The following SLC38A3 variants were observed in gnomAD, a reference collection of about 807,000 sequenced individuals.
SLC38A3 encodes the protein solute carrier family 38 member 3.
Under a neutral mutation model 59.5 loss-of-function variants are expected in SLC38A3, and 17 were observed. The observed-to-expected ratio is 0.29, with a 90% CI of 0.20 to 0.43. The LOEUF is 0.43. Ranked by LOEUF, SLC38A3 falls within the 20% of genes least tolerant of loss-of-function variation. The pLI is 1.00. For missense variants in SLC38A3, 454 were observed against 653.9 expected (o/e 0.69, Z 3.33); for synonymous variants, 238 against 260.3 (o/e 0.91, Z 0.82).
chr3:50,209,798 TG>T (rs987434783), intron 1 of SLC38A3, among the ~76,000 whole-genome samples: 2 of 152,160 alleles, frequency 1.3e-5, no homozygotes, highest in Non-Finnish European at 2.9e-5. Context: ...GCCAGGGAGC[TG>T]GGGGCTGAGG....
intron 1 of SLC38A3, among the ~76,000 whole-genome samples, chr3:50,205,700 G>A (rs991236984): frequency 1.3e-5 from 2 of 152,228 alleles, no homozygotes; most frequent in African/African-American, 4.8e-5. Context: ...CACACCACAG[G>A]CTTCCTGAGG....
chr3:50,206,397 G>C (rs1699648136), intron 1 of SLC38A3, among the ~76,000 whole-genome samples: 1 of 152,254 alleles, frequency 6.6e-6, no homozygotes, highest in Non-Finnish European at 1.5e-5. Context: ...CCACAGAGCT[G>C]CCCCTGGAAA....
In SLC38A3 at chr3:50,215,843, G is replaced by T; in HGVS notation, c.548+22G>T. 7.2e-7 allele frequency: 1 copy of T among 1,396,366 alleles called. No individual in the cohort carries two copies. The highest frequency in any genetic ancestry group is 9.9e-7 in the Non-Finnish European group (1 of 1,007,792). 86.5% of individuals were successfully genotyped at this position (1,396,366 alleles called of 1,614,324 possible). A position where few individuals can be genotyped will look rare whatever the true frequency, so the allele number is the denominator to read the frequency against. On this transcript the variant is annotated intron_variant, in intron 7 of 15. Coordinates refer to ENST00000614032, the MANE Select transcript of SLC38A3 (RefSeq NM_006841.6). The surrounding 1 kb of genome is among the most constrained non-coding windows in gnomAD (Gnocchi z 7.1). ...CCTCGTGAGCCCTGGCGTGGGGAGGGGAGGGGAGGGGTGCGGTGCAGTGAG... is the reference window on the plus strand; with the variant it reads ...CCTCGTGAGCCCTGGCGTGGGGAGGTGAGGGGAGGGGTGCGGTGCAGTGAG...
rs947579673 is a variant in SLC38A3, at chr3:50,214,326, G to A, written c.101+26G>A. 1.5e-5 allele frequency: 24 copies of A among 1,612,076 alleles called. No homozygotes were observed. The East Asian group carries it at 4.0e-4, about 27-fold the overall frequency. On this transcript the variant is annotated intron_variant, in intron 2 of 15. Coordinates refer to ENST00000614032, the MANE Select transcript of SLC38A3 (RefSeq NM_006841.6). The surrounding 1 kb of genome is among the most constrained non-coding windows in gnomAD (Gnocchi z 6.0). ...GTGAGTACCAGAGGGACCCAGTGGT[G>A]GCTGAAGACAGGGCAGGGCAGGGAT...
At chr3:50,219,457 G>A (rs1559756880) in intron 14 of SLC38A3, among the ~76,000 whole-genome samples, 2 of 152,194 alleles carry the variant, frequency 1.3e-5, no homozygotes, top group East Asian at 3.8e-4. Flanking sequence ...AAACAGACCT[G>A]GGGGCTGAGT....
chr3:50,216,660 A>G (rs913137533), intron 7 of SLC38A3, among the ~76,000 whole-genome samples: 5 of 152,260 alleles, frequency 3.3e-5, no homozygotes, highest in African/African-American at 9.6e-5. Flanking sequence ...AAGCAACAGC[A>G]GTGCCTACAA....
chr3:50,218,250 A>G lies in SLC38A3; in HGVS notation c.936-20A>G, dbSNP rs751300175. 9.6e-7 allele frequency: 1 copy of G among 1,038,310 alleles called. No individual in the cohort carries two copies. Among genetic ancestry groups the G allele is most frequent in the Non-Finnish European group, 1.5e-6 (1 of 658,136 alleles). 64.3% of individuals were successfully genotyped at this position (1,038,310 alleles called of 1,614,324 possible). A position where few individuals can be genotyped will look rare whatever the true frequency, so the allele number is the denominator to read the frequency against. On this transcript the variant is annotated intron_variant, in intron 11 of 15. Coordinates refer to ENST00000614032, the MANE Select transcript of SLC38A3 (RefSeq NM_006841.6). The surrounding 1 kb of genome is among the most constrained non-coding windows in gnomAD (Gnocchi z 5.8). The stretch of plus-strand genomic sequence containing the variant: ...GTTACCCAGCTTGTCACCAACACCC[A>G]CCCCCCCACTTCCCCACAGCCCCTC...
chr3:50,215,632 C>T lies in SLC38A3; in HGVS notation c.462C>T (p.Ile154=), dbSNP rs774193705. Residue 154 remains isoleucine (I), a synonymous_variant, in exon 6 of 16, where the codon ATC becomes ATT. Coordinates refer to ENST00000614032, the MANE Select transcript of SLC38A3 (RefSeq NM_006841.6). The surrounding 1 kb of genome is among the most constrained non-coding windows in gnomAD (Gnocchi z 7.1). ...AAALAITLQN[I]GAMSSYLYII... ...CCCTGGCCATCACGCTCCAGAACATCGGAGGTAAGAGCAGTGGGCAGGGGC... is the reference window on the plus strand; with the variant it reads ...CCCTGGCCATCACGCTCCAGAACATTGGAGGTAAGAGCAGTGGGCAGGGGC... 24 of 1,613,488 alleles carry T rather than the reference C, an allele frequency of 1.5e-5. No homozygotes were observed. Among genetic ancestry groups the T allele is most frequent in the African/African-American group, 5.3e-5 (4 of 74,850 alleles).
chr3:50,210,717 C>T (rs996264647), intron 1 of SLC38A3, among the ~76,000 whole-genome samples: 15 of 152,208 alleles, frequency 9.9e-5, no homozygotes, highest in South Asian at 2.1e-4. Flanking sequence ...TTCGCGTGGG[C>T]GGGCGTTACC....
chr3:50,214,185 GGTGTGCCCTGAGCC>G lies in SLC38A3; in HGVS notation c.-14_-1del. On this transcript the variant is annotated 5_prime_UTR_variant, in exon 2 of 16. Coordinates refer to ENST00000614032, the MANE Select transcript of SLC38A3 (RefSeq NM_006841.6). The surrounding 1 kb of genome is among the most constrained non-coding windows in gnomAD (Gnocchi z 6.0). ...TTGGTGTGAGACCAGTGCTCCTGGT[GGTGTGCCCTGAGCC>G]ATGGAGGCGCCTTTGCAGACAGAGA... The G allele has an allele frequency of 1.9e-6, 3 of 1,609,922 alleles. No homozygotes were observed. The highest frequency in any genetic ancestry group is 2.5e-6 in the Non-Finnish European group (3 of 1,177,292).
chr3:50,218,031 G>T lies in SLC38A3; in HGVS notation c.935+35G>T. The T allele has an allele frequency of 1.9e-6, 3 of 1,597,750 alleles. No individual in the cohort carries two copies. Among genetic ancestry groups the T allele is most frequent in the Non-Finnish European group, 2.6e-6 (3 of 1,166,034 alleles). ...TGTGGCTGGGAGTGGGGGTGGGGAT[G>T]CCCTGAGCTGGTTTGGGGAGAATGG... On this transcript the variant is annotated intron_variant, in intron 11 of 15. Transcript: ENST00000614032. This position sits in a 1 kb window ranked among gnomAD's most constrained non-coding sequence, Gnocchi z 5.8.
At position 50,215,296 on chromosome 3, in the gene SLC38A3, C is replaced by T; in HGVS notation, c.300-90C>T. 1 of 1,189,322 alleles carries T rather than the reference C, an allele frequency of 8.4e-7. No individual in the cohort carries two copies. The highest frequency in any genetic ancestry group is 2.3e-5 in the East Asian group (1 of 42,782). 73.7% of individuals were successfully genotyped at this position (1,189,322 alleles called of 1,614,324 possible). ...AGACACCCAGGTCACAGACCCTCCA[C>T]CCCCAGGCCTCCCAGAGCCCCTCAC... On this transcript the variant is annotated intron_variant, in intron 4 of 15. Transcript: ENST00000614032. This position sits in a 1 kb window ranked among gnomAD's most constrained non-coding sequence, Gnocchi z 7.1.
At chr3:50,208,237 C>T (rs1232610844) in intron 1 of SLC38A3, among the ~76,000 whole-genome samples, 3 of 151,358 alleles carry the variant, frequency 2.0e-5, no homozygotes, top group African/African-American at 7.3e-5. Flanking sequence ...CTTTCTGGGG[C>T]TCTCTTTTTC....
At position 50,214,027 on chromosome 3, in the gene SLC38A3, G is replaced by T; in HGVS notation, c.-51-122G>T. On this transcript the variant is annotated intron_variant, in intron 1 of 15. Transcript: ENST00000614032. The surrounding 1 kb of genome is among the most constrained non-coding windows in gnomAD (Gnocchi z 6.0). ...TCCCAGGGAGGCAGTAGGCAGAGCT[G>T]CATGTGTGGATATGCCCCGAGTGAC... 1.6e-6 allele frequency: 1 copy of T among 623,780 alleles called. No individual in the cohort carries two copies. 38.6% of individuals were successfully genotyped at this position (623,780 alleles called of 1,614,324 possible).
Position 50,218,994 on chromosome 3 carries a change from AT to A in SLC38A3, c.1306+49del, listed in dbSNP as rs1699863651. 3 of 1,583,530 alleles carry A rather than the reference AT, an allele frequency of 1.9e-6. No homozygotes were observed. In the East Asian group the frequency reaches 6.8e-5, roughly 36 times the overall value. ...TGGAAGCAGGGTATTGCCCCAGAGG[AT>A]TTCAACTCTGCAAATCCTGGCAGAT... On this transcript the variant is annotated intron_variant, in intron 14 of 15. Coordinates refer to ENST00000614032, the MANE Select transcript of SLC38A3 (RefSeq NM_006841.6). This position sits in a 1 kb window ranked among gnomAD's most constrained non-coding sequence, Gnocchi z 5.8.
Position 50,215,158 on chromosome 3 carries a change from A to T in SLC38A3, c.300-228A>T. ...ACGTGCTCAGAGGGCAGTCACAGGG[A>T]CACTCTTGACCCAGAGGGCCCCTTC... On this transcript the variant is annotated intron_variant, in intron 4 of 15. Transcript: ENST00000614032. This position sits in a 1 kb window ranked among gnomAD's most constrained non-coding sequence, Gnocchi z 7.1. The T allele has an allele frequency of 3.4e-6, 2 of 586,282 alleles. No homozygotes were observed. The highest frequency in any genetic ancestry group is 6.1e-6 in the Non-Finnish European group (2 of 328,560). 36.3% of individuals were successfully genotyped at this position (586,282 alleles called of 1,614,324 possible). A position where few individuals can be genotyped will look rare whatever the true frequency, so the allele number is the denominator to read the frequency against.
At chr3:50,206,006 G>T (rs1699641417) in intron 1 of SLC38A3, among the ~76,000 whole-genome samples, 1 of 152,248 alleles carries the variant, frequency 6.6e-6, no homozygotes, top group Non-Finnish European at 1.5e-5. Flanking sequence ...TGAGGCCGGG[G>T]CGCCGTGCGA....
rs1699873686 is a variant in SLC38A3 at position 50,219,927 on chromosome 3, C to T, written c.1353C>T (p.Phe451=). Residue 451 remains phenylalanine (F), a synonymous_variant, in exon 15 of 16, where the codon TTC becomes TTT. Transcript: ENST00000614032. The part of the protein sequence containing the change: ...PFLIFIFPAI[F]YFRIMPTEKE... ...TCATCTTCATCTTCCCTGCCATCTT[C>T]TACTTCCGAATCATGCCCACGGAGA... is the stretch of plus-strand genomic sequence containing the variant. The T allele has an allele frequency of 6.2e-7, 1 of 1,613,440 alleles. No homozygotes were observed. Among genetic ancestry groups the T allele is most frequent in the East Asian group, 2.2e-5 (1 of 44,902 alleles).
In SLC38A3 at chr3:50,215,456, G is replaced by A. The variant is rs1402243354; in HGVS notation, c.370G>A (p.Val124Met). The A allele has an allele frequency of 4.3e-6, 7 of 1,613,956 alleles. No homozygotes were observed. The highest frequency in any genetic ancestry group is 5.9e-6 in the Non-Finnish European group (7 of 1,179,860). Residue 124 changes from valine (V) to methionine (M), a missense_variant, in exon 5 of 16, where the codon GTG (valine) becomes ATG (methionine). Val to Met is a conservative substitution (Grantham distance 21). Transcript: ENST00000614032. This position sits in a 1 kb window ranked among gnomAD's most constrained non-coding sequence, Gnocchi z 7.1. Reference protein sequence around the residue: ...IHLLLKSSGVVGIRAYEQLGY... With the variant: ...IHLLLKSSGVMGIRAYEQLGY... ...CCTGCTACTCAAGTCCTCAGGGGTCGTGGGTGAGCCTCACACCAGCCTGGA... is the reference window on the plus strand; with the variant it reads ...CCTGCTACTCAAGTCCTCAGGGGTCATGGGTGAGCCTCACACCAGCCTGGA...
Sources: allele counts gnomAD v4.1 joint callset (sites outside exome capture counted in the v4.1 genomes callset), GRCh38; gene constraint gnomAD v4.1.1; non-coding constraint Gnocchi (gnomAD v3.1); transcripts MANE v1.5; gene names NCBI Gene and HGNC (gene_info 2026-07-23, HGNC 2026-07-21).